Variants in RFX7 observed in about 807,000 individuals in gnomAD.
The protein encoded by RFX7 is DNA-binding protein RFX7.
A neutral mutation model predicts 111.8 loss-of-function variants in RFX7; 26 were observed. The ratio of observed to expected loss-of-function variants is 0.23; its 90% CI spans 0.17 to 0.32. RFX7 has a LOEUF of 0.32. RFX7 is among the 10% of genes least tolerant of loss of function. RFX7 has a pLI of 1.00. For synonymous variants in RFX7, 624 were observed against 624.4 expected, an observed-to-expected ratio of 1.00 and a Z score of 0.01; for missense variants, 1,573 against 1,772.9, an observed-to-expected ratio of 0.89 and a Z score of 2.02.
At chr15:56,112,921 T>C (rs1192586513) in intron 5 of RFX7, among the ~76,000 whole-genome samples, 2 of 152,146 alleles carry the variant, frequency 1.3e-5, no homozygotes, top group Non-Finnish European at 2.9e-5. Context: ...TCACTGATCA[T>C]TAGAGAAATG....
At chr15:56,141,283 G>T (rs567106744) in intron 5 of RFX7, among the ~76,000 whole-genome samples, 38 of 151,902 alleles carry the variant, frequency 2.5e-4, no homozygotes, top group African/African-American at 8.7e-4. Flanking sequence ...TGGGGGTGGG[G>T]GTGGGAGTGG....
intron 3 of RFX7, among the ~76,000 whole-genome samples, chr15:56,172,302 G>A (rs756272744): frequency 6.6e-5 from 10 of 152,160 alleles, no homozygotes; most frequent in Admixed American, 6.5e-4. Flanking sequence ...ACTAAACTTT[G>A]ACTTTCTTCT....
At chr15:56,160,028 C>T (rs773486450) in intron 3 of RFX7, among the ~76,000 whole-genome samples, 5 of 152,034 alleles carry the variant, frequency 3.3e-5, no homozygotes, top group East Asian at 1.9e-4. Flanking sequence ...TTTCCTGTAA[C>T]GACAATCTTC....
chr15:56,180,842 G>A (rs75251003), intron 2 of RFX7, among the ~76,000 whole-genome samples: 19,730 of 151,602 alleles, frequency 0.13, 1,657 homozygotes, highest in East Asian at 0.44. Flanking sequence ...GCTTGAACCC[G>A]GGAGGCAGAG....
chr15:56,094,436 G>A lies in RFX7; in HGVS notation c.3292C>T (p.His1098Tyr). 1 of 1,613,970 alleles carries A rather than the reference G, an allele frequency of 6.2e-7. No individual in the cohort carries two copies. Among genetic ancestry groups the A allele is most frequent in the Non-Finnish European group, 8.5e-7 (1 of 1,179,872 alleles). The change falls in exon 10 of 10, where the codon CAT (histidine) becomes TAT (tyrosine). Residue 1098 changes from histidine (H) to tyrosine (Y), a missense_variant. By Grantham distance (83) the His-to-Tyr change is moderately conservative. Transcript: ENST00000559447. ...GACTGTCCAGGCACAGCAAAAGCAT[G>A]AGGTTTCCTGAAACGGTCTTCCACT... ...ELVEDRFRKP[H>Y]AFAVPGQSYQ...
intron 5 of RFX7, among the ~76,000 whole-genome samples, chr15:56,115,291 G>A (rs1456533240): frequency 6.6e-6 from 1 of 152,002 alleles, no homozygotes; most frequent in African/African-American, 2.4e-5. Context: ...GCATTACAGG[G>A]GTGAGCCGCT....
chr15:56,126,663 A>T (rs1159375667), intron 5 of RFX7, among the ~76,000 whole-genome samples: 1 of 152,230 alleles, frequency 6.6e-6, no homozygotes, highest in East Asian at 1.9e-4. Flanking sequence ...TATACTACAT[A>T]CATACTTATA....
intron 3 of RFX7, among the ~76,000 whole-genome samples, chr15:56,171,836 G>A (rs369511944): frequency 7.9e-5 from 12 of 152,280 alleles, no homozygotes; most frequent in African/African-American, 2.9e-4. Flanking sequence ...CTGATCAGCT[G>A]ATAAAGAGTT....
intron 2 of RFX7, among the ~76,000 whole-genome samples, chr15:56,229,035 C>G (rs1270745935): frequency 3.3e-5 from 5 of 152,150 alleles, no homozygotes; most frequent in African/African-American, 1.2e-4. Context: ...TGATGACTAT[C>G]AAGTGACTAA....
chr15:56,093,022 GATC>G lies in RFX7; in HGVS notation c.*320_*322del. On this transcript the variant is annotated 3_prime_UTR_variant, in exon 10 of 10. Transcript: ENST00000559447. ...GATGGTTTATTCTGAGTTCTGTGCAGATCATCTGATGAAATGAAACTAACTTAC... is the reference window on the plus strand; with the variant it reads ...GATGGTTTATTCTGAGTTCTGTGCAGATCTGATGAAATGAAACTAACTTAC... 8.2e-6 allele frequency: 2 copies of G among 243,456 alleles called. No homozygotes were observed. The highest frequency in any genetic ancestry group is 2.0e-4 in the South Asian group (2 of 9,980). 15.1% of individuals were successfully genotyped at this position (243,456 alleles called of 1,614,324 possible). A position where few individuals can be genotyped will look rare whatever the true frequency, so the allele number is the denominator to read the frequency against.
intron 5 of RFX7, among the ~76,000 whole-genome samples, chr15:56,104,824 C>T (rs1206870693): frequency 1.1e-4 from 16 of 152,102 alleles, no homozygotes; most frequent in African/African-American, 3.6e-4. Context: ...GAAGGAGTAG[C>T]CCAGCAAACA....
At position 56,186,000 on chromosome 15, in the gene RFX7, A is replaced by G. The variant is rs185215387; in HGVS notation, c.162-6697T>C. On this transcript the variant is annotated intron_variant, in intron 2 of 9. Coordinates refer to ENST00000559447, the MANE Select transcript of RFX7 (RefSeq NM_022841.7). ...TCTCTGCTGAATTTCTAAGGGTTTA[A>G]TGGTTCCAGACCAATTTGTATACGG... Among the ~76,000 whole-genome samples, 90 of 152,322 alleles carry G rather than the reference A, an allele frequency of 5.9e-4. 1 individual carries two copies. The highest frequency in any genetic ancestry group is 5.8e-3 in the Admixed American group (88 of 15,302).
chr15:56,201,625 C>T lies in RFX7; in HGVS notation c.162-22322G>A, dbSNP rs549154394. 1.3e-4 allele frequency among the ~76,000 whole-genome samples: 20 copies of T among 152,288 alleles called. No individual in the cohort carries two copies. The East Asian group carries it at 3.9e-3, about 29-fold the overall frequency. ...TAGATACGTCTAGATTTTTCATTTT[C>T]CTTCCTGTGCCTAAAGCATAATTCT... On this transcript the variant is annotated intron_variant, in intron 2 of 9. Transcript: ENST00000559447.
At chr15:56,161,027 T>C (rs1203429866) in intron 3 of RFX7, among the ~76,000 whole-genome samples, 1 of 152,052 alleles carries the variant, frequency 6.6e-6, no homozygotes, top group Non-Finnish European at 1.5e-5. Flanking sequence ...TATAAACCTA[T>C]TGAATTAGGT....
intron 2 of RFX7, among the ~76,000 whole-genome samples, chr15:56,207,269 G>A (rs753523932): frequency 6.6e-5 from 10 of 152,138 alleles, no homozygotes; most frequent in Non-Finnish European, 1.3e-4. Context: ...TCAGAGACTA[G>A]AAGGAGGAGG....
In RFX7 at chr15:56,093,042, C is replaced by T. The variant is rs182550139; in HGVS notation, c.*303G>A. 5 of 272,078 alleles carry T rather than the reference C, an allele frequency of 1.8e-5. No individual in the cohort carries two copies. The highest frequency in any genetic ancestry group is 8.7e-5 in the African/African-American group (4 of 45,870). The allele number at this position is 272,078 out of a possible 1,614,324, so 16.9% of individuals were successfully genotyped here. On this transcript the variant is annotated 3_prime_UTR_variant, in exon 10 of 10. Coordinates refer to ENST00000559447, the MANE Select transcript of RFX7 (RefSeq NM_022841.7). The stretch of plus-strand genomic sequence containing the variant: ...GTGCAGATCATCTGATGAAATGAAA[C>T]TAACTTACACAAAATAAAGATCGAC...
At chr15:56,166,625 G>A (rs1169988874) in intron 3 of RFX7, among the ~76,000 whole-genome samples, 1 of 152,194 alleles carries the variant, frequency 6.6e-6, no homozygotes, top group Non-Finnish European at 1.5e-5. Flanking sequence ...ATGAGGAAAA[G>A]GGTGAAGAGG....
chr15:56,224,644 C>T (rs1178035400), intron 2 of RFX7, among the ~76,000 whole-genome samples: 1 of 151,798 alleles, frequency 6.6e-6, no homozygotes, highest in African/African-American at 2.4e-5. Context: ...TTCCTCTGTC[C>T]TGTCTTTTAA....
chr15:56,102,099 G>A (rs2041761334), intron 7 of RFX7, 70 bp downstream of exon 7: 3 of 1,108,654 alleles, frequency 2.7e-6, no homozygotes, highest in Non-Finnish European at 4.0e-6. Context: ...ATGAGACTTT[G>A]CAGGATGCAT....
Sources: gnomAD v4.1 joint callset for allele counts (sites outside exome capture counted in the v4.1 genomes callset) on GRCh38, gnomAD v4.1.1 for gene constraint, MANE v1.5 for transcripts, NCBI Gene and HGNC (gene_info 2026-07-23, HGNC 2026-07-21) for gene names.